DSCAM: variants seen among roughly 807,000 people sequenced by gnomAD.
DSCAM encodes cell adhesion molecule DSCAM.
Under a neutral mutation model 217.7 loss-of-function variants are expected in DSCAM, and 47 were observed. The observed-to-expected ratio is 0.22, with a 90% CI of 0.17 to 0.28. The LOEUF (loss-of-function observed/expected upper bound fraction) is 0.28. Ranked by LOEUF, DSCAM falls within the 10% of genes least tolerant of loss-of-function variation. DSCAM has a pLI of 1.00. For missense variants in DSCAM, 2,080 were observed against 2,618.3 expected (o/e 0.79, Z 4.49); for synonymous variants, 1,056 against 1,015.3 (o/e 1.04, Z -0.76).
intron 1 of DSCAM, among the ~76,000 whole-genome samples, chr21:40,843,670 C>T (rs897982769): frequency 5.3e-5 from 8 of 151,996 alleles, no homozygotes; most frequent in African/African-American, 1.2e-4. Context: ...CAGAAGCTCG[C>T]GTGTATTTCC....
Position 40,175,542 on chromosome 21 carries a change from C to T in DSCAM, c.2947+3385G>A, listed in dbSNP as rs73362186. ...ATAGTGCCTTCTTCCCATGTCCTCC[C>T]GGGGCAGAAGGGGTAAGTGATCTTA... is the stretch of plus-strand genomic sequence containing the variant. On this transcript the variant is annotated intron_variant, in intron 15 of 32. Coordinates refer to ENST00000400454, the MANE Select transcript of DSCAM (RefSeq NM_001389.5). 2.3e-4 allele frequency among the ~76,000 whole-genome samples: 35 copies of T among 152,122 alleles called. No homozygotes were observed. The East Asian group carries it at 5.0e-3, about 22-fold the overall frequency.
chr21:40,648,414 C>T (rs578260850), intron 3 of DSCAM, among the ~76,000 whole-genome samples: 1 of 152,172 alleles, frequency 6.6e-6, no homozygotes, highest in Non-Finnish European at 1.5e-5. Flanking sequence ...CGTGGCTGAG[C>T]TGTTGATAGT....
At chr21:40,057,634 A>G (rs920833232) in intron 28 of DSCAM, among the ~76,000 whole-genome samples, 1 of 152,240 alleles carries the variant, frequency 6.6e-6, no homozygotes, top group East Asian at 1.9e-4. Context: ...AGATTGCCAC[A>G]GGAAGCAGGC....
intron 30 of DSCAM, among the ~76,000 whole-genome samples, chr21:40,049,511 TA>T (rs940382815): frequency 2.6e-5 from 4 of 151,166 alleles, no homozygotes; most frequent in African/African-American, 9.8e-5. Context: ...TCTTTCTGTC[TA>T]GGACTTACTG....
chr21:40,109,854 G>A (rs910559872), intron 20 of DSCAM, among the ~76,000 whole-genome samples: 1 of 152,228 alleles, frequency 6.6e-6, no homozygotes, highest in African/African-American at 2.4e-5. Context: ...CTGCAAGGTG[G>A]CAGTGAAGCT....
chr21:40,808,869 A>T (rs1216276218), intron 1 of DSCAM, among the ~76,000 whole-genome samples: 1 of 152,188 alleles, frequency 6.6e-6, no homozygotes, highest in East Asian at 1.9e-4. Flanking sequence ...CGCCATTTGC[A>T]GATGAGCTGA....
intron 3 of DSCAM, among the ~76,000 whole-genome samples, chr21:40,490,276 G>A (rs1324135978): frequency 6.6e-6 from 1 of 152,142 alleles, no homozygotes; most frequent in Non-Finnish European, 1.5e-5. Flanking sequence ...GGTGGGGACA[G>A]AACCAAACCA....
intron 3 of DSCAM, among the ~76,000 whole-genome samples, chr21:40,651,549 A>G (rs1451063747): frequency 2.0e-5 from 3 of 152,130 alleles, no homozygotes. Context: ...CCTCTGATTT[A>G]CACCTGTAAA....
intron 3 of DSCAM, among the ~76,000 whole-genome samples, chr21:40,609,181 C>G (rs2146275036): frequency 6.6e-6 from 1 of 152,298 alleles, no homozygotes; most frequent in South Asian, 2.1e-4. Context: ...ACTGGAACTC[C>G]TGGACTCAAG....
At position 40,766,775 on chromosome 21, in the gene DSCAM, C is replaced by T. The variant is rs563498171; in HGVS notation, c.44-58004G>A. On this transcript the variant is annotated intron_variant, in intron 1 of 32. Coordinates refer to ENST00000400454, the MANE Select transcript of DSCAM (RefSeq NM_001389.5). ...TGCAATCTCAGCTCACTGCAACCTCCGCCTCCCAGGTTCAAGTGATTCTCC... is the reference window on the plus strand; with the variant it reads ...TGCAATCTCAGCTCACTGCAACCTCTGCCTCCCAGGTTCAAGTGATTCTCC... Among the ~76,000 whole-genome samples the T allele has an allele frequency of 5.5e-4, 82 of 149,770 alleles. 1 individual carries two copies. Among genetic ancestry groups the T allele is most frequent in the Non-Finnish European group, 5.2e-4 (35 of 67,772 alleles).
chr21:40,305,822 C>T (rs796119319), intron 9 of DSCAM, among the ~76,000 whole-genome samples: 2 of 152,180 alleles, frequency 1.3e-5, no homozygotes, highest in Admixed American at 6.5e-5. Context: ...GGTACCAGTG[C>T]CATGCTGTTT....
intron 3 of DSCAM, among the ~76,000 whole-genome samples, chr21:40,429,028 T>TAG (rs2075504390): frequency 6.6e-6 from 1 of 151,460 alleles, no homozygotes; most frequent in African/African-American, 2.5e-5. Flanking sequence ...TAGGAGGCTC[T>TAG]GAGCTTGCTA....
At chr21:40,107,351 A>T (rs1272942394) in intron 20 of DSCAM, among the ~76,000 whole-genome samples, 2 of 152,114 alleles carry the variant, frequency 1.3e-5, no homozygotes, top group Non-Finnish European at 2.9e-5. Context: ...TTACGACTTC[A>T]GTTCTTTTGC....
chr21:40,626,325 T>C (rs778189565), intron 3 of DSCAM, among the ~76,000 whole-genome samples: 6 of 152,108 alleles, frequency 3.9e-5, no homozygotes, highest in Non-Finnish European at 8.8e-5. Context: ...CTACTTCCAT[T>C]TGAGGTCACC....
At chr21:40,785,367 C>T (rs2091583208) in intron 1 of DSCAM, among the ~76,000 whole-genome samples, 1 of 152,194 alleles carries the variant, frequency 6.6e-6, no homozygotes, top group Admixed American at 6.5e-5. Flanking sequence ...CTTGAGCTCA[C>T]TGTGGAATTA....
intron 3 of DSCAM, among the ~76,000 whole-genome samples, chr21:40,610,422 C>G (rs551352579): frequency 1.3e-5 from 2 of 152,194 alleles, no homozygotes; most frequent in African/African-American, 4.8e-5. Flanking sequence ...GAGCCCAGCA[C>G]GGGCTGCCCA....
chr21:40,648,461 G>T (rs2146354722), intron 3 of DSCAM, among the ~76,000 whole-genome samples: 1 of 152,174 alleles, frequency 6.6e-6, no homozygotes, highest in Admixed American at 6.5e-5. Context: ...AGACAGTGGT[G>T]GGTCCCCATT....
At chr21:40,254,348 A>G (rs1158631773) in intron 11 of DSCAM, among the ~76,000 whole-genome samples, 5 of 152,356 alleles carry the variant, frequency 3.3e-5, no homozygotes, top group Non-Finnish European at 4.4e-5. Flanking sequence ...TGATGATATA[A>G]GGAAATAAGT....
chr21:40,339,933 TGA>T (rs1179128659), intron 6 of DSCAM, among the ~76,000 whole-genome samples: 1 of 149,790 alleles, frequency 6.7e-6, no homozygotes, highest in Non-Finnish European at 1.5e-5. Flanking sequence ...AGGAAACTAC[TGA>T]GAGATTGATG....
Sources: allele counts gnomAD v4.1 joint callset (sites outside exome capture counted in the v4.1 genomes callset), GRCh38; gene constraint gnomAD v4.1.1; transcripts MANE v1.5; gene names NCBI Gene and HGNC (gene_info 2026-07-23, HGNC 2026-07-21).